PWWP2B: variants seen among roughly 807,000 people sequenced by gnomAD.
The protein encoded by PWWP2B is PWWP domain-containing protein 2B.
Under a neutral mutation model 15.5 loss-of-function variants are expected in PWWP2B, and 9 were observed. The observed-to-expected ratio is 0.58, with a 90% CI of 0.35 to 1.02. The LOEUF (loss-of-function observed/expected upper bound fraction) is 1.02, where lower values mean the gene tolerates loss of function less well. PWWP2B is among the 50% of genes least tolerant of loss of function. The pLI, the probability that PWWP2B is intolerant of heterozygous loss-of-function variation, is 0.02. For missense variants in PWWP2B, 864 were observed against 865.3 expected (o/e 1.00, Z 0.02); for synonymous variants, 474 against 403.6 (o/e 1.17, Z -2.09).
intron 1 of PWWP2B, among the ~76,000 whole-genome samples, chr10:132,403,412 T>C (rs2069638025): frequency 6.6e-6 from 1 of 152,244 alleles, no homozygotes; most frequent in Non-Finnish European, 1.5e-5. Flanking sequence ...GTGTTCCCTG[T>C]GGAAACGTGG....
In PWWP2B at chr10:132,405,919, C is replaced by G. The variant is rs764656431; in HGVS notation, c.1419C>G (p.His473Gln). The G allele has an allele frequency of 2.6e-5, 42 of 1,612,742 alleles. No individual in the cohort carries two copies. The highest frequency in any genetic ancestry group is 3.3e-5 in the Non-Finnish European group (39 of 1,179,784). ...TGCCGCCCCTGACGGTCAGGCTGCA[C>G]ACACAGAGCGTGTCGGAGTGCATCA... ...QTVPPLTVRL[H>Q]TQSVSECITE... The change falls in exon 2 of 3, where the codon CAC (histidine) becomes CAG (glutamine). Residue 473 changes from histidine to glutamine, a missense_variant. Around this residue, in one of 2 missense-constraint regions of PWWP2B, gnomAD observed 128 missense variants for 177.6 expected, o/e 0.72. Coordinates refer to ENST00000305233, the MANE Select transcript of PWWP2B (RefSeq NM_138499.4).
Position 132,417,137 on chromosome 10 carries a change from G to A in PWWP2B, c.*93G>A, listed in dbSNP as rs558629433. 1.7e-5 allele frequency: 27 copies of A among 1,602,360 alleles called. No individual in the cohort carries two copies. The highest frequency in any genetic ancestry group is 3.3e-4 in the Middle Eastern group (2 of 6,044). ...CGGGGACCCTGTGAGCCTTCTGGCC[G>A]GCTGCGTGCAGAGCCCACTGGGCAC... On this transcript the variant is annotated 3_prime_UTR_variant, in exon 3 of 3. Transcript: ENST00000305233.
intron 1 of PWWP2B, among the ~76,000 whole-genome samples, chr10:132,401,376 A>G (rs769007895): frequency 5.3e-5 from 8 of 151,818 alleles, no homozygotes; most frequent in Non-Finnish European, 1.2e-4. Context: ...GGCCCCTCGC[A>G]TGTCCTCTTC....
Position 132,417,254 on chromosome 10 carries a change from A to T in PWWP2B, c.*210A>T, listed in dbSNP as rs1363933596. On this transcript the variant is annotated 3_prime_UTR_variant, in exon 3 of 3. Transcript: ENST00000305233. ...CCCAGCGGCTCCTCCCGCTGAGTGT[A>T]TTTCTTCCCACCACTCAGCGCATGG... 4.0e-5 allele frequency: 27 copies of T among 679,534 alleles called. No homozygotes were observed. Among genetic ancestry groups the T allele is most frequent in the Non-Finnish European group, 6.5e-5 (25 of 385,474 alleles). 42.1% of individuals were successfully genotyped at this position (679,534 alleles called of 1,614,324 possible).
In PWWP2B at chr10:132,407,404, T is replaced by G. The variant is rs751502030; in HGVS notation, c.*16+1115T>G. 1.0e-3 allele frequency among the ~76,000 whole-genome samples: 152 copies of G among 152,292 alleles called. 1 individual carries two copies. Among genetic ancestry groups the G allele is most frequent in the Non-Finnish European group, 1.5e-3 (100 of 67,996 alleles). On this transcript the variant is annotated intron_variant, in intron 2 of 2. Coordinates refer to ENST00000305233, the MANE Select transcript of PWWP2B (RefSeq NM_138499.4). ...GGGCTCCGCCTAGGCCTTGGTGACG[T>G]CTGGTGACCTTGTCTTCCCTGGCCA... is the stretch of plus-strand genomic sequence containing the variant.
Position 132,406,875 on chromosome 10 carries a change from G to A in PWWP2B, c.*16+586G>A, listed in dbSNP as rs373044679. Among the ~76,000 whole-genome samples, 8 of 152,306 alleles carry A rather than the reference G, an allele frequency of 5.3e-5. No individual in the cohort carries two copies. The South Asian group carries it at 1.2e-3, about 24-fold the overall frequency. ...GTGACCCCCCAAATCTTCCTCCTGG[G>A]TCAGTGCGCACTCCGTCGTCAGCAG... is the stretch of plus-strand genomic sequence containing the variant. On this transcript the variant is annotated intron_variant, in intron 2 of 2. Coordinates refer to ENST00000305233, the MANE Select transcript of PWWP2B (RefSeq NM_138499.4).
At chr10:132,399,017 C>T (rs1392780904) in intron 1 of PWWP2B, among the ~76,000 whole-genome samples, 1 of 137,104 alleles carries the variant, frequency 7.3e-6, no homozygotes, top group East Asian at 2.3e-4. Flanking sequence ...TCCCCCAGCC[C>T]CAGTCCTGAG....
intron 1 of PWWP2B, among the ~76,000 whole-genome samples, chr10:132,397,558 T>TCGGGGCGGGCGCCGGGC (rs1564870676): frequency 2.2e-5 from 3 of 138,744 alleles, no homozygotes; most frequent in Non-Finnish European, 3.1e-5. Flanking sequence ...TCGCGACTTT[T>TCGGGGCGGGCGCCGGGC]CGGGGCGGGC....
chr10:132,404,975 C>T lies in PWWP2B; in HGVS notation c.475C>T (p.Arg159Cys), dbSNP rs749741529. The T allele has an allele frequency of 2.5e-6, 4 of 1,579,990 alleles. No homozygotes were observed. The highest frequency in any genetic ancestry group is 1.7e-6 in the Non-Finnish European group (2 of 1,170,722). Reference protein sequence around the residue: ...KRTRRRLSRNRDPGRLILSTI... With the variant: ...KRTRRRLSRNCDPGRLILSTI... ...CACGCGGCGGCGTCTGTCCCGCAACCGCGACCCGGGGCGCCTCATCCTCAG... is the reference window on the plus strand; with the variant it reads ...CACGCGGCGGCGTCTGTCCCGCAACTGCGACCCGGGGCGCCTCATCCTCAG... The change falls in exon 2 of 3, where the codon CGC (arginine) becomes TGC (cysteine). Residue 159 changes from arginine (R) to cysteine (C), a missense_variant. Around this residue, in one of 2 missense-constraint regions of PWWP2B, gnomAD observed 736 missense variants for 687.7 expected, o/e 1.07. Coordinates refer to ENST00000305233, the MANE Select transcript of PWWP2B (RefSeq NM_138499.4).
chr10:132,404,489 C>T (rs1352536045), intron 1 of PWWP2B, 137 bp from the exon 2 acceptor site: 5 of 727,250 alleles, frequency 6.9e-6, no homozygotes, highest in Admixed American at 2.2e-5. Context: ...TCCTGAAATA[C>T]AGCCCTGGAC....
chr10:132,400,333 G>C (rs2069600375), intron 1 of PWWP2B, among the ~76,000 whole-genome samples: 1 of 152,142 alleles, frequency 6.6e-6, no homozygotes, highest in South Asian at 2.1e-4. Context: ...GGTGTGGGGT[G>C]GGGGCCTGGC....
chr10:132,411,545 C>G (rs1169690517), intron 2 of PWWP2B, among the ~76,000 whole-genome samples: 2 of 152,258 alleles, frequency 1.3e-5, no homozygotes, highest in African/African-American at 2.4e-5. Flanking sequence ...GCCCAGGGGC[C>G]CGTGGGGCAA....
intron 1 of PWWP2B, 58 bp downstream of exon 1, chr10:132,397,409 C>T: frequency 8.5e-7 from 1 of 1,170,632 alleles, no homozygotes; most frequent in Non-Finnish European, 1.1e-6. Flanking sequence ...CCCGCCTCCG[C>T]CGCCCGGAGA....
chr10:132,402,292 C>T (rs2069624701), intron 1 of PWWP2B, among the ~76,000 whole-genome samples: 1 of 152,258 alleles, frequency 6.6e-6, no homozygotes, highest in African/African-American at 2.4e-5. Flanking sequence ...TGTTCCCCAG[C>T]CCTAGTGGGG....
At chr10:132,413,120 G>C (rs550705525) in intron 2 of PWWP2B, among the ~76,000 whole-genome samples, 2 of 152,326 alleles carry the variant, frequency 1.3e-5, no homozygotes, top group African/African-American at 4.8e-5. Context: ...GGCCGCTGCT[G>C]TTTCTAAACC....
chr10:132,398,766 T>G (rs1002010619), intron 1 of PWWP2B, among the ~76,000 whole-genome samples: 6 of 152,262 alleles, frequency 3.9e-5, no homozygotes, highest in Non-Finnish European at 8.8e-5. Flanking sequence ...GATGCATGGG[T>G]GTCAACCCTG....
chr10:132,409,282 C>T (rs2069745902), intron 2 of PWWP2B, among the ~76,000 whole-genome samples: 1 of 152,252 alleles, frequency 6.6e-6, no homozygotes, highest in Non-Finnish European at 1.5e-5. Flanking sequence ...ACTTCTCCTA[C>T]ACCCACAGGG....
Position 132,397,239 on chromosome 10 carries a change from G to C in PWWP2B, c.13G>C (p.Ala5Pro), listed in dbSNP as rs1391524525. Residue 5 changes from alanine to proline, a missense_variant, in exon 1 of 3, where the codon GCC becomes CCC. Physicochemically the swap from Ala to Pro is conservative, Grantham distance 27. Around this residue, in one of 2 missense-constraint regions of PWWP2B, gnomAD observed 736 missense variants for 687.7 expected, o/e 1.07. Coordinates refer to ENST00000305233, the MANE Select transcript of PWWP2B (RefSeq NM_138499.4). MEPRAGCRLPVRVEQ... is the reference protein window; with the variant it reads MEPRPGCRLPVRVEQ... ...ACGCGGCGGGAGCATGGAGCCGCGCGCCGGCTGCCGGCTGCCGGTGCGGGT... is the reference window on the plus strand; with the variant it reads ...ACGCGGCGGGAGCATGGAGCCGCGCCCCGGCTGCCGGCTGCCGGTGCGGGT... The C allele has an allele frequency of 1.6e-6, 2 of 1,227,200 alleles. No individual in the cohort carries two copies. The highest frequency in any genetic ancestry group is 2.1e-6 in the Non-Finnish European group (2 of 974,758). The allele number at this position is 1,227,200 out of a possible 1,614,324, so 76.0% of individuals were successfully genotyped here. A position where few individuals can be genotyped will look rare whatever the true frequency, so the allele number is the denominator to read the frequency against.
At chr10:132,410,008 G>A (rs1032740186) in intron 2 of PWWP2B, among the ~76,000 whole-genome samples, 1 of 152,186 alleles carries the variant, frequency 6.6e-6, no homozygotes, top group East Asian at 1.9e-4. Context: ...GACTCTGGGT[G>A]CTGTTGGAGA....
Sources: gnomAD v4.1 joint callset for allele counts (sites outside exome capture counted in the v4.1 genomes callset) on GRCh38, gnomAD v4.1.1 for gene constraint, gnomAD v4.1.1 regional missense constraint, MANE v1.5 for transcripts, NCBI Gene and HGNC (gene_info 2026-07-23, HGNC 2026-07-21) for gene names.